Variants in REDIC1 observed in about 807,000 individuals in gnomAD.
REDIC1 encodes HEI10 Interacting Protein 1.
the REDIC1 span, among the ~76,000 whole-genome samples, chr12:39,846,115 C>G: frequency 7.4e-4 from 112 of 152,188 alleles, no homozygotes; most frequent in African/African-American, 2.5e-3. Context: ...AAAATAAAAT[C>G]AACAATTCAT....
At chr12:39,822,146 A>C in the REDIC1 span, among the ~76,000 whole-genome samples, 2 of 135,916 alleles carry the variant, frequency 1.5e-5, no homozygotes, top group African/African-American at 2.8e-5. Flanking sequence ...TTCAATTCCC[A>C]CCTATGAGTG....
the REDIC1 span, among the ~76,000 whole-genome samples, chr12:39,713,918 T>C: frequency 1.3e-5 from 2 of 148,642 alleles, no homozygotes; most frequent in African/African-American, 4.9e-5. Context: ...TGTGTATATG[T>C]ATATATTAAA....
At chr12:39,784,616 A>C in the REDIC1 span, among the ~76,000 whole-genome samples, 3 of 152,248 alleles carry the variant, frequency 2.0e-5, no homozygotes, top group African/African-American at 7.2e-5. Flanking sequence ...TAAAACCATA[A>C]AAACCCTAGA....
chr12:39,897,025 A>G, the REDIC1 span, among the ~76,000 whole-genome samples: 6 of 152,294 alleles, frequency 3.9e-5, no homozygotes, highest in Non-Finnish European at 5.9e-5. Flanking sequence ...GAAGAGACCA[A>G]CAAGTTCTAA....
chr12:39,680,816 T>A, the REDIC1 span, among the ~76,000 whole-genome samples: 1 of 151,840 alleles, frequency 6.6e-6, no homozygotes, highest in Admixed American at 6.6e-5. Flanking sequence ...TCCATGGAAT[T>A]CTACTCAGCC....
At chr12:39,685,389 A>G in the REDIC1 span, among the ~76,000 whole-genome samples, 2,343 of 152,268 alleles carry the variant, frequency 0.015, 57 homozygotes, top group African/African-American at 0.051. Flanking sequence ...GGAGTCTCAC[A>G]TGGCAGGAGC....
the REDIC1 span, among the ~76,000 whole-genome samples, chr12:39,883,526 A>C: frequency 6.6e-6 from 1 of 152,190 alleles, no homozygotes; most frequent in East Asian, 1.9e-4. Context: ...AAAAGGTGAC[A>C]GTTTATTTAA....
chr12:39,651,435 A>C, the REDIC1 span, among the ~76,000 whole-genome samples: 1 of 149,092 alleles, frequency 6.7e-6, no homozygotes, highest in Non-Finnish European at 1.5e-5. Flanking sequence ...ATGTGATGAG[A>C]AACCTTGACT....
chr12:39,715,459 C>T, the REDIC1 span, among the ~76,000 whole-genome samples: 1 of 151,808 alleles, frequency 6.6e-6, no homozygotes, highest in African/African-American at 2.4e-5. Flanking sequence ...ATCCCATGCT[C>T]ATGGATGGGT....
At chr12:39,757,509 C>A in the REDIC1 span, 1 of 151,066 alleles carries the variant, frequency 6.6e-6, no homozygotes, top group East Asian at 1.9e-4. Flanking sequence ...AAAATAATAC[C>A]CTAATTGTAT....
chr12:39,840,242 G>A, the REDIC1 span, among the ~76,000 whole-genome samples: 1 of 151,852 alleles, frequency 6.6e-6, no homozygotes, highest in African/African-American at 2.4e-5. Flanking sequence ...ATGTTGGCCA[G>A]CCACCACGCC....
chr12:39,716,433 A>G, the REDIC1 span, among the ~76,000 whole-genome samples: 4 of 152,012 alleles, frequency 2.6e-5, no homozygotes, highest in Admixed American at 1.3e-4. Flanking sequence ...CCTCAGGTTA[A>G]CACTTTAAAT....
the REDIC1 span, among the ~76,000 whole-genome samples, chr12:39,826,924 C>T: frequency 7.5e-6 from 1 of 133,896 alleles, no homozygotes; most frequent in Non-Finnish European, 1.5e-5. Context: ...CACCTGGTGG[C>T]TTCCTTGCCT....
At chr12:39,633,548 AAC>A in the REDIC1 span, among the ~76,000 whole-genome samples, 2 of 152,230 alleles carry the variant, frequency 1.3e-5, no homozygotes, top group African/African-American at 4.8e-5. Flanking sequence ...ATAAACCAGT[AAC>A]ACAGTCTTTT....
chr12:39,779,936 G>A, the REDIC1 span, among the ~76,000 whole-genome samples: 1 of 152,192 alleles, frequency 6.6e-6, no homozygotes, highest in African/African-American at 2.4e-5. Context: ...GTGGGCTATC[G>A]TGATGCAAAC....
chr12:39,703,689 G>T, the REDIC1 span, among the ~76,000 whole-genome samples: 6 of 152,044 alleles, frequency 3.9e-5, no homozygotes, highest in Non-Finnish European at 1.5e-5. Context: ...ATACTACAAG[G>T]CTACAGTCAC....
At chr12:39,776,850 G>A in the REDIC1 span, among the ~76,000 whole-genome samples, 10 of 152,290 alleles carry the variant, frequency 6.6e-5, no homozygotes, top group Middle Eastern at 3.4e-3. Flanking sequence ...GTGATGGCTA[G>A]GTTCTAAGAC....
chr12:39,856,413 G>A, the REDIC1 span, among the ~76,000 whole-genome samples: 1 of 152,144 alleles, frequency 6.6e-6, no homozygotes, highest in Non-Finnish European at 1.5e-5. Context: ...TCTGTCGCCA[G>A]GCTGGTGTGC....
chr12:39,754,347 T>C, the REDIC1 span: 1 of 152,078 alleles, frequency 6.6e-6, no homozygotes, highest in Non-Finnish European at 1.5e-5. Context: ...GTGGACAATT[T>C]ATGTGTAATT....
Sources: gnomAD v4.1 joint callset for allele counts (sites outside exome capture counted in the v4.1 genomes callset) on GRCh38, gnomAD v4.1.1 for gene constraint, MANE v1.5 for transcripts, NCBI Gene and HGNC (gene_info 2026-07-23, HGNC 2026-07-21) for gene names.